The following PRKCZ variants were observed in gnomAD, a reference collection of about 807,000 sequenced individuals.
PRKCZ encodes the protein protein kinase C zeta type.
A neutral mutation model predicts 79.5 loss-of-function variants in PRKCZ; 33 were observed. The ratio of observed to expected loss-of-function variants is 0.41; its 90% confidence interval spans 0.31 to 0.55. PRKCZ has a LOEUF of 0.55. PRKCZ is among the 20% of genes least tolerant of loss of function. The pLI, the probability that PRKCZ is intolerant of heterozygous loss-of-function variation, is 0.19. For synonymous variants in PRKCZ, 342 were observed against 320.9 expected (o/e 1.07, Z -0.70); for missense variants, 578 against 813.5 (o/e 0.71, Z 3.52).
At chr1:2,059,751 C>T (rs951836519) in intron 4 of PRKCZ, among the ~76,000 whole-genome samples, 160 bp downstream of exon 4, 11 of 152,252 alleles carry the variant, frequency 7.2e-5, no homozygotes, top group African/African-American at 2.7e-4. Context: ...GTTTTCACTG[C>T]AGCTGCTGCC....
chr1:2,073,563 G>T, intron 4 of PRKCZ: 1 of 947,096 alleles, frequency 1.1e-6, no homozygotes, highest in Non-Finnish European at 1.3e-6. Context: ...TCTGGCTGCT[G>T]CCCGCCCGCT....
At chr1:2,109,016 C>T (rs574167356) in intron 4 of PRKCZ, among the ~76,000 whole-genome samples, 2 of 152,318 alleles carry the variant, frequency 1.3e-5, no homozygotes, top group Admixed American at 6.5e-5. Flanking sequence ...CGTCTCACGT[C>T]ACCGCCTCTG....
At chr1:2,162,675 T>C (rs572136713) in intron 10 of PRKCZ, among the ~76,000 whole-genome samples, 1 of 152,306 alleles carries the variant, frequency 6.6e-6, no homozygotes, top group East Asian at 1.9e-4. Context: ...CTCAAACTCC[T>C]GGGCTCAAAC....
intron 10 of PRKCZ, among the ~76,000 whole-genome samples, chr1:2,161,207 G>A (rs915105838): frequency 2.6e-5 from 4 of 152,224 alleles, no homozygotes; most frequent in African/African-American, 4.8e-5. Flanking sequence ...ACGGCTCAGC[G>A]GCCCCCTGAT....
chr1:2,169,251 C>G (rs527938978), intron 10 of PRKCZ: 586 of 517,298 alleles, frequency 1.1e-3, no homozygotes, highest in Middle Eastern at 3.2e-3. Flanking sequence ...CCCACCCACA[C>G]TTCCCAAGTC....
chr1:2,066,366 C>G (rs1349979978), intron 4 of PRKCZ, among the ~76,000 whole-genome samples: 3 of 152,192 alleles, frequency 2.0e-5, no homozygotes, highest in Non-Finnish European at 4.4e-5. Flanking sequence ...CTTTCTCTCT[C>G]TCTCTGTCTG....
intron 4 of PRKCZ, among the ~76,000 whole-genome samples, chr1:2,066,256 A>G (rs1192808064): frequency 6.6e-6 from 1 of 152,120 alleles, no homozygotes; most frequent in Non-Finnish European, 1.5e-5. Context: ...TTTTTTTGGA[A>G]AAGTTTGAGA....
intron 4 of PRKCZ, among the ~76,000 whole-genome samples, chr1:2,132,543 C>G (rs1044097277): frequency 2.0e-5 from 3 of 152,188 alleles, no homozygotes; most frequent in African/African-American, 4.8e-5. Context: ...GTAGGAGACG[C>G]CTGGGCGGCC....
chr1:2,118,244 G>C lies in PRKCZ; in HGVS notation c.335-17018G>C, dbSNP rs111770276. On this transcript the variant is annotated intron_variant, in intron 4 of 17. Coordinates refer to ENST00000378567, the MANE Select transcript of PRKCZ (RefSeq NM_002744.6). ...ACCCCTGACCTTAGGTGATCCGCCC[G>C]CCTTGGCCTCCCAAAGTGCTGGGAT... is the stretch of plus-strand genomic sequence containing the variant. Among the ~76,000 whole-genome samples the C allele has an allele frequency of 3.0e-3, 457 of 151,754 alleles. 1 individual carries two copies. The highest frequency in any genetic ancestry group is 0.01 in the African/African-American group (430 of 41,400).
At chr1:2,151,035 C>A in intron 9 of PRKCZ, 57 bp downstream of exon 9, 1 of 1,582,156 alleles carries the variant, frequency 6.3e-7, no homozygotes. Context: ...CCTGGGGCCT[C>A]CTCCGGGCTT....
chr1:2,048,655 T>G (rs1253938332), upstream of PRKCZ, among the ~76,000 whole-genome samples: 1 of 151,878 alleles, frequency 6.6e-6, no homozygotes, highest in Non-Finnish European at 1.5e-5. Context: ...AGAGGCTCAT[T>G]AGGAGGATGC....
intron 9 of PRKCZ, among the ~76,000 whole-genome samples, chr1:2,154,291 G>C (rs1223987653): frequency 6.6e-6 from 1 of 152,160 alleles, no homozygotes; most frequent in African/African-American, 2.4e-5. Flanking sequence ...CGGGGGGCAG[G>C]TCTGCAGCTC....
chr1:2,130,957 C>CA (rs1293903285), intron 4 of PRKCZ, among the ~76,000 whole-genome samples: 1 of 152,116 alleles, frequency 6.6e-6, no homozygotes, highest in Non-Finnish European at 1.5e-5. Context: ...GGTCTCCACA[C>CA]ACAGCAGTAC....
chr1:2,076,215 T>C (rs1662383407), intron 4 of PRKCZ, among the ~76,000 whole-genome samples: 1 of 152,154 alleles, frequency 6.6e-6, no homozygotes, highest in African/African-American at 2.4e-5. Flanking sequence ...GTGCTGGTCG[T>C]GGTGCTCGAG....
chr1:2,079,933 C>A (rs13303153), intron 4 of PRKCZ, among the ~76,000 whole-genome samples: 17,224 of 152,226 alleles, frequency 0.11, 1,065 homozygotes, highest in Middle Eastern at 0.16. Context: ...CTGCTGCCCC[C>A]GCAAGCCCTC....
intron 4 of PRKCZ, among the ~76,000 whole-genome samples, chr1:2,106,390 T>C (rs1668411903): frequency 6.7e-6 from 1 of 149,404 alleles, no homozygotes; most frequent in African/African-American, 2.4e-5. Context: ...CCGATACCTG[T>C]GACTCTCAGC....
chr1:2,169,651 ATGGG>A, intron 11 of PRKCZ, 47 bp downstream of exon 11: 1 of 558,616 alleles, frequency 1.8e-6, no homozygotes. Context: ...GGAGTTGGGG[ATGGG>A]TGGGTGCGTG....
intron 4 of PRKCZ, among the ~76,000 whole-genome samples, chr1:2,098,774 C>T (rs1461587384): frequency 4.6e-5 from 7 of 152,256 alleles, no homozygotes; most frequent in South Asian, 2.1e-4. Context: ...CTCCACCTCT[C>T]GGGTTCACAC....
intron 4 of PRKCZ, among the ~76,000 whole-genome samples, chr1:2,108,884 T>G (rs1346262788): frequency 6.6e-6 from 1 of 152,140 alleles, no homozygotes; most frequent in Non-Finnish European, 1.5e-5. Context: ...CCAAATTTAG[T>G]CAAGGCACCA....
Sources: allele counts gnomAD v4.1 joint callset (sites outside exome capture counted in the v4.1 genomes callset), GRCh38; gene constraint gnomAD v4.1.1; transcripts MANE v1.5; gene names NCBI Gene and HGNC (gene_info 2026-07-23, HGNC 2026-07-21).